FGGY: variants seen among roughly 807,000 people sequenced by gnomAD.
FGGY encodes FGGY carbohydrate kinase domain containing, also known as FGGY carbohydrate kinase domain-containing protein.
In FGGY, 72 loss-of-function variants were observed where a neutral mutation model predicts 71.3. That is an observed-to-expected ratio of 1.01 (90% CI 0.84 to 1.23). The LOEUF is 1.23. Ranked by LOEUF, FGGY falls within the 50% of genes most tolerant of loss-of-function variation. FGGY has a pLI of 0.00. For missense variants in FGGY, 668 were observed against 682.3 expected, an observed-to-expected ratio of 0.98 and a Z score of 0.23; for synonymous variants, 251 against 250.3, an observed-to-expected ratio of 1.00 and a Z score of -0.02.
intron 11 of FGGY, among the ~76,000 whole-genome samples, chr1:59,640,549 A>G (rs757715501): frequency 2.0e-5 from 3 of 152,232 alleles, no homozygotes; most frequent in Non-Finnish European, 4.4e-5. Flanking sequence ...AGGAACTAGC[A>G]GGATAATTCC....
At chr1:59,343,454 T>G (rs1401404840) in intron 3 of FGGY, among the ~76,000 whole-genome samples, 1 of 152,202 alleles carries the variant, frequency 6.6e-6, no homozygotes, top group East Asian at 1.9e-4. Flanking sequence ...TTCCTGCCTT[T>G]TGAAAGCTTT....
At chr1:59,707,542 G>A (rs148732651) in intron 14 of FGGY, among the ~76,000 whole-genome samples, 13 of 152,304 alleles carry the variant, frequency 8.5e-5, no homozygotes, top group Middle Eastern at 3.4e-3. Flanking sequence ...AGCTGAGGCC[G>A]TTTTCAACTG....
intron 5 of FGGY, among the ~76,000 whole-genome samples, chr1:59,436,495 T>A (rs1394219235): frequency 6.6e-6 from 1 of 152,204 alleles, no homozygotes; most frequent in East Asian, 1.9e-4. Context: ...AACAACAGCA[T>A]GTTCATCTCA....
intron 5 of FGGY, among the ~76,000 whole-genome samples, chr1:59,397,217 T>C (rs1314498773): frequency 1.3e-5 from 2 of 152,200 alleles, no homozygotes; most frequent in East Asian, 1.9e-4. Context: ...AGACAAATTA[T>C]TGCATTTCTG....
intron 1 of FGGY, among the ~76,000 whole-genome samples, chr1:59,314,274 A>C (rs941415308): frequency 3.3e-5 from 5 of 152,256 alleles, no homozygotes; most frequent in African/African-American, 1.2e-4. Context: ...CTAATAAAAA[A>C]ATTTTTTTAA....
At chr1:59,494,328 A>G (rs748025703) in intron 6 of FGGY, among the ~76,000 whole-genome samples, 1 of 152,172 alleles carries the variant, frequency 6.6e-6, no homozygotes, top group East Asian at 1.9e-4. Context: ...TGTGACATCA[A>G]TGTGGAGATG....
intron 5 of FGGY, among the ~76,000 whole-genome samples, chr1:59,429,098 C>A (rs921049061): frequency 2.0e-5 from 3 of 152,238 alleles, no homozygotes; most frequent in African/African-American, 7.2e-5. Flanking sequence ...TCTTCACTTT[C>A]ACGCAAATGA....
At chr1:59,742,410 C>G (rs2098158540) in intron 14 of FGGY, among the ~76,000 whole-genome samples, 1 of 152,216 alleles carries the variant, frequency 6.6e-6, no homozygotes, top group African/African-American at 2.4e-5. Flanking sequence ...CTTCCACTGA[C>G]AACATATTTT....
At chr1:59,663,677 AT>A (rs1222498639) in intron 12 of FGGY, among the ~76,000 whole-genome samples, 2 of 152,058 alleles carry the variant, frequency 1.3e-5, no homozygotes, top group South Asian at 2.1e-4. Flanking sequence ...TAAGACAGAG[AT>A]TTTTTTCAAT....
intron 7 of FGGY, among the ~76,000 whole-genome samples, chr1:59,517,828 A>C (rs1439462638): frequency 6.6e-6 from 1 of 152,252 alleles, no homozygotes; most frequent in Non-Finnish European, 1.5e-5. Flanking sequence ...CATTCCCTCC[A>C]TGAGGAACGG....
intron 5 of FGGY, among the ~76,000 whole-genome samples, chr1:59,397,309 G>A (rs1433718833): frequency 3.9e-5 from 6 of 152,152 alleles, no homozygotes; most frequent in South Asian, 4.1e-4. Flanking sequence ...GACAAGGGAC[G>A]TGGCGTTGTG....
At chr1:59,340,980 C>A (rs1335953885) in intron 3 of FGGY, among the ~76,000 whole-genome samples, 1 of 152,126 alleles carries the variant, frequency 6.6e-6, no homozygotes, top group Non-Finnish European at 1.5e-5. Context: ...GCCAAGATAG[C>A]CATTGCAAAC....
rs6694596 is a variant in FGGY, at chr1:59,628,366, A to G, written c.1073+2317A>G. On this transcript the variant is annotated intron_variant, in intron 10 of 15. Transcript: ENST00000303721. Reference sequence around the variant, plus strand: ...ACCTAGATTGACATTCCACAAAGCTATTAGCCAGTTTGCTCCAAAGGAAAA... The same window carrying G: ...ACCTAGATTGACATTCCACAAAGCTGTTAGCCAGTTTGCTCCAAAGGAAAA... Among the ~76,000 whole-genome samples, 1,152 of 152,328 alleles carry G rather than the reference A, an allele frequency of 7.6e-3. 18 individuals are homozygous for G. The highest frequency in any genetic ancestry group is 0.026 in the African/African-American group (1,099 of 41,578).
At chr1:59,538,431 C>T (rs1319771688) in intron 7 of FGGY, among the ~76,000 whole-genome samples, 233 of 151,970 alleles carry the variant, frequency 1.5e-3, no homozygotes, top group African/African-American at 4.4e-3. Flanking sequence ...TGGAAGTCAG[C>T]GTGGCGATTC....
intron 4 of FGGY, among the ~76,000 whole-genome samples, chr1:59,363,503 G>A (rs1208195897): frequency 6.6e-6 from 1 of 152,244 alleles, no homozygotes; most frequent in Non-Finnish European, 1.5e-5. Context: ...TGAGGAAATT[G>A]AGATGAAGAG....
intron 9 of FGGY, among the ~76,000 whole-genome samples, chr1:59,612,435 C>T (rs914879063): frequency 6.6e-6 from 1 of 152,176 alleles, no homozygotes; most frequent in Non-Finnish European, 1.5e-5. Flanking sequence ...ACTTTACAGA[C>T]AAGCAAATAC....
At chr1:59,733,616 G>T (rs958164496) in intron 14 of FGGY, among the ~76,000 whole-genome samples, 3 of 152,154 alleles carry the variant, frequency 2.0e-5, no homozygotes, top group Non-Finnish European at 2.9e-5. Flanking sequence ...GGCCTTGTCT[G>T]TGAGGAATTT....
intron 1 of FGGY, among the ~76,000 whole-genome samples, chr1:59,301,864 C>T (rs1393199221): frequency 6.6e-6 from 1 of 150,522 alleles, no homozygotes; most frequent in African/African-American, 2.4e-5. Context: ...CAGGCACGCA[C>T]CACCACACCC....
chr1:59,436,716 T>C (rs758984313), intron 5 of FGGY, among the ~76,000 whole-genome samples: 2 of 152,212 alleles, frequency 1.3e-5, no homozygotes, highest in Non-Finnish European at 2.9e-5. Context: ...AACACTTCTC[T>C]TTGTAGATCT....
Sources: gnomAD v4.1 joint callset for allele counts (sites outside exome capture counted in the v4.1 genomes callset) on GRCh38, gnomAD v4.1.1 for gene constraint, MANE v1.5 for transcripts, NCBI Gene and HGNC (gene_info 2026-07-23, HGNC 2026-07-21) for gene names.